The following THSD4 variants were observed in gnomAD, a reference collection of about 807,000 sequenced individuals.
THSD4 encodes thrombospondin type-1 domain-containing protein 4.
A neutral mutation model predicts 119.0 loss-of-function variants in THSD4; 69 were observed. That is an observed-to-expected ratio of 0.58 (90% CI 0.48 to 0.71). THSD4 has a LOEUF of 0.71. THSD4 is among the 30% of genes least tolerant of loss of function. The pLI is 0.00. For missense variants in THSD4, 1,393 were observed against 1,391.1 expected (o/e 1.00, Z -0.02); for synonymous variants, 524 against 540.4 (o/e 0.97, Z 0.42).
chr15:71,136,780 G>C (rs930364037), intron 1 of THSD4, among the ~76,000 whole-genome samples: 2 of 152,136 alleles, frequency 1.3e-5, no homozygotes, highest in African/African-American at 4.8e-5. Context: ...CCAGGAGGGG[G>C]TCCTCCAGGA....
chr15:71,115,620 G>C lies in THSD4; in HGVS notation c.-158G>C, dbSNP rs2040352345. ...CGGCCGTCCATGCGGCGGCGCTCGG[G>C]GCTGCCCGGCGCCGGGAACCACGCG... On this transcript the variant is annotated 5_prime_UTR_variant, in exon 1 of 18. Transcript: ENST00000261862. The surrounding 1 kb of genome is among the most constrained non-coding windows in gnomAD (Gnocchi z 4.4). 6.8e-6 allele frequency: 1 copy of C among 147,318 alleles called. No homozygotes were observed. The highest frequency in any genetic ancestry group is 2.0e-4 in the South Asian group (1 of 5,004). 9.1% of individuals were successfully genotyped at this position (147,318 alleles called of 1,614,324 possible).
At chr15:71,419,801 A>G (rs763282633) in intron 7 of THSD4, among the ~76,000 whole-genome samples, 2 of 107,210 alleles carry the variant, frequency 1.9e-5, no homozygotes, top group African/African-American at 3.2e-5. Context: ...TCCTCTTGTT[A>G]TTATTTTCTG....
chr15:71,566,112 T>A (rs2140890009), intron 7 of THSD4, among the ~76,000 whole-genome samples: 1 of 151,668 alleles, frequency 6.6e-6, no homozygotes, highest in East Asian at 2.0e-4. Flanking sequence ...AAATAATGAC[T>A]AAACCATTTC....
At chr15:71,428,605 G>A (rs7177932) in intron 7 of THSD4, among the ~76,000 whole-genome samples, 27,902 of 152,078 alleles carry the variant, frequency 0.18, 2,914 homozygotes, top group Non-Finnish European at 0.25. Flanking sequence ...GTAGTTAGAA[G>A]CACCACTAAT....
chr15:71,518,343 A>G (rs889864297), intron 7 of THSD4, among the ~76,000 whole-genome samples: 6 of 152,076 alleles, frequency 3.9e-5, no homozygotes, highest in Admixed American at 1.3e-4. Context: ...GGGATCCACT[A>G]TTCTCAGGAA....
chr15:71,299,080 A>G (rs2044907754), intron 6 of THSD4, among the ~76,000 whole-genome samples: 1 of 152,234 alleles, frequency 6.6e-6, no homozygotes, highest in East Asian at 1.9e-4. Flanking sequence ...GACAGGAGGA[A>G]CAATAACCAC....
chr15:71,750,561 T>A (rs934974082), intron 14 of THSD4, among the ~76,000 whole-genome samples: 20 of 152,226 alleles, frequency 1.3e-4, no homozygotes, highest in African/African-American at 4.6e-4. Context: ...GCGGCTCATC[T>A]TCTTGTGTGT....
chr15:71,222,244 A>G (rs775685327), intron 4 of THSD4, among the ~76,000 whole-genome samples: 4 of 152,184 alleles, frequency 2.6e-5, no homozygotes, highest in Non-Finnish European at 2.9e-5. Context: ...CCCAGCTTCC[A>G]CAAAGACAGG....
chr15:71,332,406 A>G (rs1317444565), intron 6 of THSD4, among the ~76,000 whole-genome samples: 1 of 152,234 alleles, frequency 6.6e-6, no homozygotes, highest in Admixed American at 6.5e-5. Context: ...GTATGTGTGT[A>G]CATGGGTACG....
intron 7 of THSD4, among the ~76,000 whole-genome samples, chr15:71,637,990 G>A (rs565682951): frequency 6.6e-6 from 1 of 152,286 alleles, no homozygotes; most frequent in African/African-American, 2.4e-5. Context: ...GCCTCCCAAA[G>A]TGCTGGGATT....
At chr15:71,180,286 T>TA (rs1360863070) in intron 3 of THSD4, among the ~76,000 whole-genome samples, 1 of 151,820 alleles carries the variant, frequency 6.6e-6, no homozygotes, top group Non-Finnish European at 1.5e-5. Context: ...ATAGAGAACT[T>TA]ACAAAATTCA....
chr15:71,102,777 G>A (rs2040258460), intron 1 of THSD4, among the ~76,000 whole-genome samples: 1 of 152,100 alleles, frequency 6.6e-6, no homozygotes, highest in Non-Finnish European at 1.5e-5. Flanking sequence ...TGTTGCCAAG[G>A]CTGATCTCGA....
chr15:71,207,806 C>G (rs2043857175), intron 3 of THSD4, among the ~76,000 whole-genome samples: 1 of 152,200 alleles, frequency 6.6e-6, no homozygotes, highest in African/African-American at 2.4e-5. Flanking sequence ...GAAACCATCT[C>G]TACCCCCGCC....
intron 7 of THSD4, among the ~76,000 whole-genome samples, chr15:71,627,503 AG>A (rs775554479): frequency 1.6e-3 from 243 of 152,302 alleles, no homozygotes; most frequent in Non-Finnish European, 2.7e-3. Flanking sequence ...GATGAGAAGT[AG>A]GTTTAGCTTT....
At chr15:71,631,550 TAGCAC>T (rs2050628963) in intron 7 of THSD4, among the ~76,000 whole-genome samples, 1 of 152,194 alleles carries the variant, frequency 6.6e-6, no homozygotes, top group South Asian at 2.1e-4. Context: ...GGAGATCAGG[TAGCAC>T]CTCACAGCTA....
rs10690804 is a variant in THSD4, at chr15:71,365,131, TTGTGTGTG to T, written c.1016-46528_1016-46521del. 8.8e-3 allele frequency among the ~76,000 whole-genome samples: 1,200 copies of T among 135,900 alleles called. 40 individuals are homozygous for T. The highest frequency in any genetic ancestry group is 0.078 in the Admixed American group (1,024 of 13,192). 89.2% of individuals were successfully genotyped at this position (135,900 alleles called of 152,430 possible). ...GAAAATATATCCACTGCCCCCCCCA[TTGTGTGTG>T]TGTGTGTGTGTGTGTGTGTGTGTGT... On this transcript the variant is annotated intron_variant, in intron 6 of 17. Transcript: ENST00000261862.
chr15:71,429,710 G>A (rs1335372709), intron 7 of THSD4, among the ~76,000 whole-genome samples: 1 of 152,136 alleles, frequency 6.6e-6, no homozygotes, highest in Non-Finnish European at 1.5e-5. Flanking sequence ...AGAGTTTCCT[G>A]GACATTTCAC....
At chr15:71,601,220 T>C (rs7175384) in intron 7 of THSD4, among the ~76,000 whole-genome samples, 106,504 of 152,184 alleles carry the variant, frequency 0.7, 37,352 homozygotes, top group East Asian at 0.76. Flanking sequence ...TACTAAAGAC[T>C]ATCATTTAAC....
chr15:71,429,209 A>G (rs1008500759), intron 7 of THSD4, among the ~76,000 whole-genome samples: 6 of 152,358 alleles, frequency 3.9e-5, no homozygotes, highest in Non-Finnish European at 5.9e-5. Flanking sequence ...CAGTAGCTCA[A>G]TGGGATACAG....
Sources: gnomAD v4.1 joint callset for allele counts (sites outside exome capture counted in the v4.1 genomes callset) on GRCh38, gnomAD v4.1.1 for gene constraint, Gnocchi (gnomAD v3.1) non-coding constraint, MANE v1.5 for transcripts, NCBI Gene and HGNC (gene_info 2026-07-23, HGNC 2026-07-21) for gene names.